Variants in ZNF530 observed in about 807,000 individuals in gnomAD.
The protein encoded by ZNF530 is zinc finger protein 530.
In ZNF530, 5 loss-of-function variants were observed where a neutral mutation model predicts 2.8. The ratio of observed to expected loss-of-function variants is 1.80; its 90% CI spans 0.94 to 3.78. ZNF530 has a LOEUF of 3.78. Among genes scored for constraint, ZNF530 ranks in the 30% most tolerant of loss-of-function variants. ZNF530 has a pLI of 0.00. For missense variants in ZNF530, 619 were observed against 673.3 expected (o/e 0.92, Z 0.89); for synonymous variants, 229 against 235.0 (o/e 0.97, Z 0.23).
At chr19:57,605,284 C>G (rs1357303693) in intron 3 of ZNF530, 1 of 160,062 alleles carries the variant, frequency 6.2e-6, no homozygotes, top group Non-Finnish European at 1.4e-5. Flanking sequence ...AACACTGACC[C>G]ACATGTAATA....
At position 57,607,189 on chromosome 19, in the gene ZNF530, C is replaced by CTT; in HGVS notation, c.1568_1569dup (p.Thr524LeufsTer36). The CTT allele has an allele frequency of 6.2e-7, 1 of 1,614,100 alleles. No homozygotes were observed. The highest frequency in any genetic ancestry group is 2.2e-5 in the East Asian group (1 of 44,870). ...TATGAGTGCAGAGAATGTGGGAAATCTTTTACCCGCAAAAATCACCTCATT... is the reference window on the plus strand; with the variant it reads ...TATGAGTGCAGAGAATGTGGGAAATCTTTTTTACCCGCAAAAATCACCTCATT... On this transcript the variant is annotated frameshift_variant, in exon 4 of 4. Transcript: ENST00000597700. LOFTEE classifies it low-confidence loss of function (END_TRUNC).
rs1568625719 is a variant in ZNF530 at position 57,607,155 on chromosome 19, G to GA, written c.1534dup (p.Arg512LysfsTer4). On this transcript the variant is annotated frameshift_variant, in exon 4 of 4. Transcript: ENST00000597700. LOFTEE classifies it low-confidence loss of function (END_TRUNC). ...TCAGCATAGGAGAGTTCACACTGGA[G>GA]AAAGGCCTTATGAGTGCAGAGAATG... 8 of 1,613,890 alleles carry GA rather than the reference G, an allele frequency of 5.0e-6. No individual in the cohort carries two copies. Among genetic ancestry groups the GA allele is most frequent in the Non-Finnish European group, 6.8e-6 (8 of 1,179,998 alleles).
In ZNF530 at chr19:57,607,193, T is replaced by C; in HGVS notation, c.1569T>C (p.Phe523=). 1.2e-6 allele frequency: 2 copies of C among 1,614,078 alleles called. No homozygotes were observed. The highest frequency in any genetic ancestry group is 8.5e-7 in the Non-Finnish European group (1 of 1,180,026). The change falls in exon 4 of 4, where the codon TTT becomes TTC. Residue 523 remains phenylalanine (F), a synonymous_variant. Transcript: ENST00000597700. ...PYECRECGKS[F]TRKNHLIQHK... ...AGTGCAGAGAATGTGGGAAATCTTT[T>C]ACCCGCAAAAATCACCTCATTCAAC...
At chr19:57,605,636 T>G in intron 3 of ZNF530, 50 bp from the exon 4 acceptor site, 1 of 1,506,784 alleles carries the variant, frequency 6.6e-7, no homozygotes. Context: ...TTGATGTAAC[T>G]TCTCACACCA....
chr19:57,600,125 C>G lies in ZNF530; in HGVS notation c.-131C>G. 6.4e-7 allele frequency: 1 copy of G among 1,569,416 alleles called. No homozygotes were observed. Among genetic ancestry groups the G allele is most frequent in the Non-Finnish European group, 8.6e-7 (1 of 1,156,516 alleles). The stretch of plus-strand genomic sequence containing the variant: ...GTCCGATGGCGGCGGCACTGAGGGC[C>G]CCGACCCAGGTGAGCGCTGCGTCCT... On this transcript the variant is annotated 5_prime_UTR_variant, in exon 1 of 4. Transcript: ENST00000597700.
intron 3 of ZNF530, 191 bp downstream of exon 3, chr19:57,604,597 T>C: frequency 1.5e-6 from 1 of 666,638 alleles, no homozygotes; most frequent in Non-Finnish European, 2.5e-6. Flanking sequence ...TTCCTCTAGG[T>C]ATGCAGTGAA....
At position 57,599,980 on chromosome 19, in the gene ZNF530, G is replaced by A. The variant is rs1226176145; in HGVS notation, c.-276G>A. On this transcript the variant is annotated 5_prime_UTR_variant, in exon 1 of 4. Coordinates refer to ENST00000597700, the MANE Select transcript of ZNF530 (RefSeq NM_001321981.2). ...GGACCTAGGTGCTGACAGCGAGAAG[G>A]CGCGAGGAGAGTCGTTTTCTCAGCT... The A allele has an allele frequency of 3.5e-6, 4 of 1,151,268 alleles. No individual in the cohort carries two copies. In the Admixed American group the frequency reaches 8.4e-5, roughly 24 times the overall value. 71.3% of individuals were successfully genotyped at this position (1,151,268 alleles called of 1,614,324 possible). A position where few individuals can be genotyped will look rare whatever the true frequency, so the allele number is the denominator to read the frequency against.
At chr19:57,610,412 ATGTGTGTGTG>A (rs57429926), downstream of ZNF530, among the ~76,000 whole-genome samples, 1,104 of 147,262 alleles carry the variant, frequency 7.5e-3, 10 homozygotes, top group African/African-American at 0.026. Context: ...AAGTGTACAT[ATGTGTGTGTG>A]TGTGTGTGTG....
rs1439252022 is a variant in ZNF530, at chr19:57,600,209, G to C, written c.-122+75G>C. ...AGGGACGCGTGAAGGGTTTTCTGCA[G>C]CCCGGACCGCACTGTCCGGCACAGT... On this transcript the variant is annotated intron_variant, in intron 1 of 3. Coordinates refer to ENST00000597700, the MANE Select transcript of ZNF530 (RefSeq NM_001321981.2). The C allele has an allele frequency of 4.7e-6, 7 of 1,503,250 alleles. 1 individual carries two copies. Among genetic ancestry groups the C allele is most frequent in the East Asian group, 4.9e-5 (2 of 40,476 alleles). The allele number at this position is 1,503,250 out of a possible 1,614,324, so 93.1% of individuals were successfully genotyped here. A position where few individuals can be genotyped will look rare whatever the true frequency, so the allele number is the denominator to read the frequency against.
rs146761395 is a variant in ZNF530, at chr19:57,607,457, G to A, written c.*132G>A. The A allele has an allele frequency of 0.013, 11,736 of 891,230 alleles. 105 individuals are homozygous for A. The highest frequency in any genetic ancestry group is 0.018 in the Middle Eastern group (62 of 3,456). 55.2% of individuals were successfully genotyped at this position (891,230 alleles called of 1,614,324 possible). A position where few individuals can be genotyped will look rare whatever the true frequency, so the allele number is the denominator to read the frequency against. On this transcript the variant is annotated 3_prime_UTR_variant, in exon 4 of 4. Transcript: ENST00000597700. Reference sequence around the variant, plus strand: ...CCTCCTGGGATCAAGTGATTCTCCTGCCACAGCCTCCTGAGTACCTGAGAT... The same window carrying A: ...CCTCCTGGGATCAAGTGATTCTCCTACCACAGCCTCCTGAGTACCTGAGAT...
Position 57,606,749 on chromosome 19 carries a change from G to A in ZNF530, c.1125G>A (p.Val375=). The A allele has an allele frequency of 1.2e-6, 2 of 1,612,952 alleles. No individual in the cohort carries two copies. The highest frequency in any genetic ancestry group is 8.5e-7 in the Non-Finnish European group (1 of 1,179,762). The change falls in exon 4 of 4, where the codon GTG becomes GTA. Residue 375 remains valine (V), a synonymous_variant. Coordinates refer to ENST00000597700, the MANE Select transcript of ZNF530 (RefSeq NM_001321981.2). ...QRFHTGERPY[V]CSECGKSFGQ... is the part of the protein sequence containing the mutation. The stretch of plus-strand genomic sequence containing the variant: ...TTCACACTGGAGAAAGACCTTATGT[G>A]TGCAGTGAATGTGGGAAATCATTTG...
intron 3 of ZNF530, 55 bp from the exon 4 acceptor site, chr19:57,605,631 G>A: frequency 6.7e-7 from 1 of 1,493,180 alleles, no homozygotes; most frequent in South Asian, 1.3e-5. Flanking sequence ...CATTTTTGAT[G>A]TAACTTCTCA....
At position 57,599,981 on chromosome 19, in the gene ZNF530, C is replaced by A; in HGVS notation, c.-275C>A. The stretch of plus-strand genomic sequence containing the variant: ...GACCTAGGTGCTGACAGCGAGAAGG[C>A]GCGAGGAGAGTCGTTTTCTCAGCTG... On this transcript the variant is annotated 5_prime_UTR_variant, in exon 1 of 4. Coordinates refer to ENST00000597700, the MANE Select transcript of ZNF530 (RefSeq NM_001321981.2). 1.7e-6 allele frequency: 2 copies of A among 1,160,962 alleles called. No individual in the cohort carries two copies. The highest frequency in any genetic ancestry group is 2.4e-6 in the Non-Finnish European group (2 of 848,868). 71.9% of individuals were successfully genotyped at this position (1,160,962 alleles called of 1,614,324 possible). A position where few individuals can be genotyped will look rare whatever the true frequency, so the allele number is the denominator to read the frequency against.
At position 57,606,909 on chromosome 19, in the gene ZNF530, C is replaced by G. The variant is rs559427269; in HGVS notation, c.1285C>G (p.Pro429Ala). The G allele has an allele frequency of 6.2e-7, 1 of 1,613,760 alleles. No individual in the cohort carries two copies. The highest frequency in any genetic ancestry group is 2.2e-5 in the East Asian group (1 of 44,808). Residue 429 changes from proline (P) to alanine (A), a missense_variant, in exon 4 of 4, where the codon CCT (proline) becomes GCT (alanine). Pro to Ala is a conservative substitution (Grantham distance 27). Coordinates refer to ENST00000597700, the MANE Select transcript of ZNF530 (RefSeq NM_001321981.2). Reference sequence around the variant, plus strand: ...CAGAAGAGCTCACACTAAAACAAAGCCTTATGAGTGCAGTGAATGTGAAAA... The same window carrying G: ...CAGAAGAGCTCACACTAAAACAAAGGCTTATGAGTGCAGTGAATGTGAAAA... ...RHRRAHTKTK[P>A]YECSECEKSF...
rs963405341 is a variant in ZNF530, at chr19:57,609,380, T to G, written c.*2055T>G. Among the ~76,000 whole-genome samples, 7 of 151,660 alleles carry G rather than the reference T, an allele frequency of 4.6e-5. No homozygotes were observed. Among genetic ancestry groups the G allele is most frequent in the Non-Finnish European group, 1.0e-4 (7 of 67,974 alleles). ...TGGCTCACGCCTGTAATCCCAGCAC[T>G]TTAGGAGGCCGAGGTGGGTGGATAA... On this transcript the variant is annotated 3_prime_UTR_variant, in exon 4 of 4. Transcript: ENST00000597700.
In ZNF530 at chr19:57,608,272, T is replaced by C. The variant is rs770750936; in HGVS notation, c.*947T>C. On this transcript the variant is annotated 3_prime_UTR_variant, in exon 4 of 4. Coordinates refer to ENST00000597700, the MANE Select transcript of ZNF530 (RefSeq NM_001321981.2). ...TAAAGGCCTTTTGTTTAAGTACCTT[T>C]AATCTTGTAAGTTGTATTAATTGTT... 3 of 152,242 alleles carry C rather than the reference T, an allele frequency of 2.0e-5. No individual in the cohort carries two copies. The highest frequency in any genetic ancestry group is 6.5e-5 in the Admixed American group (1 of 15,288). 9.4% of individuals were successfully genotyped at this position (152,242 alleles called of 1,614,324 possible). A position where few individuals can be genotyped will look rare whatever the true frequency, so the allele number is the denominator to read the frequency against.
intron 2 of ZNF530, among the ~76,000 whole-genome samples, chr19:57,601,949 G>T (rs1269192508): frequency 6.6e-6 from 1 of 152,190 alleles, no homozygotes; most frequent in Non-Finnish European, 1.5e-5. Flanking sequence ...CCACCTCCAT[G>T]ACCCAGATAA....
chr19:57,606,997 A>AC lies in ZNF530; in HGVS notation c.1373_1374insC (p.Glu459Ter), dbSNP rs1568625462. Reference sequence around the variant, plus strand: ...ACAGTTCACACTGGAGAAAGGCCTTATGAGTGCAGTGTATGTGGGAAATCT... The same window carrying AC: ...ACAGTTCACACTGGAGAAAGGCCTTACTGAGTGCAGTGTATGTGGGAAATCT... On this transcript the variant is annotated frameshift_variant, in exon 4 of 4. Coordinates refer to ENST00000597700, the MANE Select transcript of ZNF530 (RefSeq NM_001321981.2). LOFTEE classifies it low-confidence loss of function (END_TRUNC). The AC allele has an allele frequency of 1.2e-6, 2 of 1,614,176 alleles. No individual in the cohort carries two copies. Among genetic ancestry groups the AC allele is most frequent in the Non-Finnish European group, 1.7e-6 (2 of 1,180,028 alleles).
rs879157277 is a variant in ZNF530 at position 57,607,058 on chromosome 19, T to C, written c.1434T>C (p.Thr478=). Residue 478 remains threonine, a synonymous_variant, in exon 4 of 4, where the codon ACT becomes ACC. Coordinates refer to ENST00000597700, the MANE Select transcript of ZNF530 (RefSeq NM_001321981.2). ...IRKTHLIRHQ[T]VHTNERPYEC... is the part of the protein sequence containing the mutation. ...AAACCCACCTCATTCGACACCAGACTGTTCACACTAATGAAAGGCCTTATG... is the reference window on the plus strand; with the variant it reads ...AAACCCACCTCATTCGACACCAGACCGTTCACACTAATGAAAGGCCTTATG... 6.2e-7 allele frequency: 1 copy of C among 1,601,644 alleles called. No individual in the cohort carries two copies. The highest frequency in any genetic ancestry group is 8.5e-7 in the Non-Finnish European group (1 of 1,176,144).
Sources: allele counts gnomAD v4.1 joint callset (sites outside exome capture counted in the v4.1 genomes callset), GRCh38; gene constraint gnomAD v4.1.1; transcripts MANE v1.5; gene names NCBI Gene and HGNC (gene_info 2026-07-23, HGNC 2026-07-21).